Variants in PDE4D observed in about 807,000 individuals in gnomAD.
The protein encoded by PDE4D is phosphodiesterase 4D.
In PDE4D, 24 loss-of-function variants were observed where a neutral mutation model predicts 87.4. That is an observed-to-expected ratio of 0.27 (90% CI 0.20 to 0.39). The LOEUF is 0.39. Ranked by LOEUF, PDE4D falls within the 10% of genes least tolerant of loss-of-function variation. The probability of loss-of-function intolerance (pLI) is 1.00; values close to 1 mark genes in which losing one functional copy is unlikely to be tolerated. For synonymous variants in PDE4D, 384 were observed against 383.2 expected (o/e 1.00, Z -0.02); for missense variants, 714 against 1,041.0 (o/e 0.69, Z 4.32).
chr5:59,966,687 A>G (rs1760093926), intron 3 of PDE4D, among the ~76,000 whole-genome samples: 1 of 152,202 alleles, frequency 6.6e-6, no homozygotes, highest in Admixed American at 6.5e-5. Context: ...TCATCAATTA[A>G]CAGACTCTAA....
intron 1 of PDE4D, among the ~76,000 whole-genome samples, chr5:60,263,486 T>A (rs1022947205): frequency 2.6e-5 from 4 of 152,168 alleles, no homozygotes; most frequent in African/African-American, 7.2e-5. Context: ...TTGTCTCCAG[T>A]AGCAGTGGGA....
At chr5:59,799,600 A>G (rs113531357) in intron 1 of PDE4D, among the ~76,000 whole-genome samples, 2 of 152,210 alleles carry the variant, frequency 1.3e-5, no homozygotes, top group African/African-American at 2.4e-5. Context: ...TTGGGTGACT[A>G]ATGACAAACA....
chr5:59,271,458 G>T (rs1763838032), intron 1 of PDE4D, among the ~76,000 whole-genome samples: 1 of 152,050 alleles, frequency 6.6e-6, no homozygotes, highest in Non-Finnish European at 1.5e-5. Flanking sequence ...GAATAATGGG[G>T]TTAATGGGTT....
chr5:60,181,515 A>G (rs1190061201), intron 2 of PDE4D, among the ~76,000 whole-genome samples: 3 of 152,212 alleles, frequency 2.0e-5, no homozygotes, highest in East Asian at 1.9e-4. Context: ...CAACAATTCT[A>G]TCAAAAAAGA....
At chr5:59,466,906 C>T (rs1476104605) in intron 1 of PDE4D, among the ~76,000 whole-genome samples, 1 of 152,092 alleles carries the variant, frequency 6.6e-6, no homozygotes, top group Non-Finnish European at 1.5e-5. Flanking sequence ...CGTACATATA[C>T]CTCCAAAATT....
At chr5:59,467,972 C>A (rs1309502819) in intron 1 of PDE4D, among the ~76,000 whole-genome samples, 1 of 149,892 alleles carries the variant, frequency 6.7e-6, no homozygotes, top group Non-Finnish European at 1.5e-5. Context: ...GTTTTTTTTT[C>A]TAATTTAACC....
intron 1 of PDE4D, among the ~76,000 whole-genome samples, chr5:59,316,497 A>G (rs933157741): frequency 2.6e-5 from 4 of 152,170 alleles, no homozygotes; most frequent in Non-Finnish European, 5.9e-5. Flanking sequence ...GAACTACAGC[A>G]TCTTAAAGTG....
At chr5:59,661,699 A>C (rs1324387507) in intron 1 of PDE4D, among the ~76,000 whole-genome samples, 1 of 152,202 alleles carries the variant, frequency 6.6e-6, no homozygotes, top group Non-Finnish European at 1.5e-5. Context: ...ATAGGGCAAC[A>C]TTCTCACTTC....
intron 2 of PDE4D, among the ~76,000 whole-genome samples, chr5:60,124,588 GTC>G (rs1333666113): frequency 6.6e-6 from 1 of 152,022 alleles, no homozygotes; most frequent in Non-Finnish European, 1.5e-5. Context: ...AGTTATTACT[GTC>G]TCTGTTGCAT....
chr5:59,077,866 A>C (rs1330024531), intron 5 of PDE4D, among the ~76,000 whole-genome samples: 1 of 152,176 alleles, frequency 6.6e-6, no homozygotes, highest in African/African-American at 2.4e-5. Context: ...AAGAACAACA[A>C]AGACAAAAAC....
intron 1 of PDE4D, among the ~76,000 whole-genome samples, chr5:59,286,001 T>C (rs1046887626): frequency 2.6e-5 from 4 of 152,226 alleles, no homozygotes; most frequent in African/African-American, 9.6e-5. Flanking sequence ...TCTGGCAGGA[T>C]TATCCTTCCT....
chr5:60,050,635 C>G (rs1053524798), intron 2 of PDE4D, among the ~76,000 whole-genome samples: 1 of 152,086 alleles, frequency 6.6e-6, no homozygotes, highest in Non-Finnish European at 1.5e-5. Flanking sequence ...AACTAATGGG[C>G]AAAATAACCA....
chr5:60,245,747 T>G (rs1219636767), intron 1 of PDE4D, among the ~76,000 whole-genome samples: 1 of 151,768 alleles, frequency 6.6e-6, no homozygotes, highest in Non-Finnish European at 1.5e-5. Context: ...CTCATGGAGA[T>G]AGATGGTAAA....
At chr5:59,616,410 A>G (rs559418877) in intron 1 of PDE4D, among the ~76,000 whole-genome samples, 89 of 152,226 alleles carry the variant, frequency 5.8e-4, no homozygotes, top group African/African-American at 2.1e-3. Context: ...AGCACTTTCT[A>G]TTTTGAAAAT....
intron 1 of PDE4D, among the ~76,000 whole-genome samples, chr5:59,662,859 A>G (rs904349155): frequency 6.6e-6 from 1 of 152,306 alleles, no homozygotes; most frequent in African/African-American, 2.4e-5. Flanking sequence ...CTTCCTTTCA[A>G]AATAGAGTTT....
intron 2 of PDE4D, among the ~76,000 whole-genome samples, chr5:60,046,514 A>C (rs1472968850): frequency 2.0e-5 from 3 of 152,116 alleles, no homozygotes; most frequent in Non-Finnish European, 4.4e-5. Flanking sequence ...TGTCATAGAT[A>C]GCTCTTATTA....
chr5:59,436,444 C>A (rs1175735572), intron 1 of PDE4D, among the ~76,000 whole-genome samples: 1 of 152,130 alleles, frequency 6.6e-6, no homozygotes, highest in African/African-American at 2.4e-5. Context: ...AAGTCTTCAT[C>A]AACTGAAACA....
chr5:59,746,371 G>T (rs1239928625), intron 1 of PDE4D, among the ~76,000 whole-genome samples: 2 of 152,154 alleles, frequency 1.3e-5, no homozygotes, highest in African/African-American at 4.8e-5. Flanking sequence ...GACCTGGCCA[G>T]TCTGGTACCC....
chr5:59,565,138 T>A (rs1820664534), intron 1 of PDE4D, among the ~76,000 whole-genome samples: 1 of 152,044 alleles, frequency 6.6e-6, no homozygotes, highest in African/African-American at 2.4e-5. Flanking sequence ...AGGAAGGAGA[T>A]GGGCTCCGCT....
Sources: allele counts gnomAD v4.1 joint callset (sites outside exome capture counted in the v4.1 genomes callset), GRCh38; gene constraint gnomAD v4.1.1; transcripts MANE v1.5; gene names NCBI Gene and HGNC (gene_info 2026-07-23, HGNC 2026-07-21).